Variants in TUT7 observed in about 807,000 individuals in gnomAD.
The protein encoded by TUT7 is terminal uridylyltransferase 7.
A neutral mutation model predicts 165.9 loss-of-function variants in TUT7; 33 were observed. The observed-to-expected ratio is 0.20, with a 90% CI of 0.15 to 0.27. The LOEUF is 0.27. Ranked by LOEUF, TUT7 falls within the 10% of genes least tolerant of loss-of-function variation. The probability of loss-of-function intolerance (pLI) is 1.00; values close to 1 mark genes in which losing one functional copy is unlikely to be tolerated. For synonymous variants in TUT7, 552 were observed against 608.1 expected, an observed-to-expected ratio of 0.91 and a Z score of 1.36; for missense variants, 1,338 against 1,762.3, an observed-to-expected ratio of 0.76 and a Z score of 4.31.
intron 10 of TUT7, among the ~76,000 whole-genome samples, chr9:86,330,331 A>G (rs7033846): frequency 0.3 from 45,926 of 152,104 alleles, 8,214 homozygotes; most frequent in East Asian, 0.49. Context: ...AAGTGCTGTG[A>G]TTACAGGCGT....
At chr9:86,340,700 T>G (rs1831250686) in intron 7 of TUT7, among the ~76,000 whole-genome samples, 1 of 152,252 alleles carries the variant, frequency 6.6e-6, no homozygotes, top group South Asian at 2.1e-4. Flanking sequence ...AGATTATCCT[T>G]CAGTTTTACC....
At chr9:86,305,126 G>T in intron 23 of TUT7, 66 bp downstream of exon 23, 1 of 1,427,940 alleles carries the variant, frequency 7.0e-7, no homozygotes, top group Non-Finnish European at 9.6e-7. Flanking sequence ...GCAAGACCCT[G>T]TCTCTATTAT....
In TUT7 at chr9:86,323,292, T is replaced by G. The variant is rs768097210; in HGVS notation, c.2458A>C (p.Thr820Pro). ...TTTAGAGAGTCTTCTAGTTCCTCAGTACCTTCTGTACTTTCTCCATCAAGA... is the reference window on the plus strand; with the variant it reads ...TTTAGAGAGTCTTCTAGTTCCTCAGGACCTTCTGTACTTTCTCCATCAAGA... ...ADLDGESTEG[T>P]EELEDSLNHF... Residue 820 changes from threonine to proline, a missense_variant, in exon 13 of 27, where the codon ACT becomes CCT. Physicochemically the swap from Thr to Pro is conservative, Grantham distance 38. Coordinates refer to ENST00000375963, the MANE Select transcript of TUT7 (RefSeq NM_024617.4). The G allele has an allele frequency of 5.0e-6, 8 of 1,614,072 alleles. No individual in the cohort carries two copies. Among genetic ancestry groups the G allele is most frequent in the African/African-American group, 1.3e-5 (1 of 74,942 alleles).
At chr9:86,308,930 G>C (rs1827772656) in intron 21 of TUT7, among the ~76,000 whole-genome samples, 1 of 152,022 alleles carries the variant, frequency 6.6e-6, no homozygotes, top group Non-Finnish European at 1.5e-5. Context: ...TAAACTCTGG[G>C]TACAAAAACC....
intron 10 of TUT7, among the ~76,000 whole-genome samples, chr9:86,332,351 T>C (rs1178040126): frequency 2.1e-5 from 3 of 143,552 alleles, no homozygotes; most frequent in Non-Finnish European, 4.6e-5. Flanking sequence ...TGGAATACTA[T>C]GCAGCCATAA....
At chr9:86,304,299 C>T (rs1477927519) in intron 24 of TUT7, among the ~76,000 whole-genome samples, 1 of 152,144 alleles carries the variant, frequency 6.6e-6, no homozygotes, top group East Asian at 1.9e-4. Flanking sequence ...TTAGCAAGAT[C>T]ATCTAGTCCC....
In TUT7 at chr9:86,338,805, T is replaced by C. The variant is rs1388720861; in HGVS notation, c.1335+18A>G. The C allele has an allele frequency of 1.3e-6, 2 of 1,585,932 alleles. No individual in the cohort carries two copies. Among genetic ancestry groups the C allele is most frequent in the Admixed American group, 1.8e-5 (1 of 55,000 alleles). On this transcript the variant is annotated intron_variant, in intron 9 of 26. Transcript: ENST00000375963. Reference sequence around the variant, plus strand: ...TACATATGTAGAATGTATTCATGCATAAAGACCTCAAGCCTACCTTTGCCC... The same window carrying C: ...TACATATGTAGAATGTATTCATGCACAAAGACCTCAAGCCTACCTTTGCCC...
At chr9:86,325,278 G>A in intron 12 of TUT7, 56 bp downstream of exon 12, 1 of 1,539,790 alleles carries the variant, frequency 6.5e-7, no homozygotes, top group Non-Finnish European at 8.9e-7. Flanking sequence ...CATGCTGTTA[G>A]ACTGGTACCT....
rs375541478 is a variant in TUT7 at position 86,323,907 on chromosome 9, A to G, written c.1843T>C (p.Phe615Leu). The change falls in exon 13 of 27, where the codon TTT (phenylalanine) becomes CTT (leucine). Residue 615 changes from phenylalanine (F) to leucine (L), a missense_variant. By Grantham distance (22) the Phe-to-Leu change is conservative. This residue lies in a region of TUT7 where 425 missense variants were observed against 474.9 expected (regional missense o/e 0.89). Coordinates refer to ENST00000375963, the MANE Select transcript of TUT7 (RefSeq NM_024617.4). ...CTTAAACAATGAAGTATATATTCAAACACAGGTTGACTATTTAGGGTTCTT... is the reference window on the plus strand; with the variant it reads ...CTTAAACAATGAAGTATATATTCAAGCACAGGTTGACTATTTAGGGTTCTT... ...VARTLNSQPV[F>L]EYILHCLRTT... 1.1e-5 allele frequency: 17 copies of G among 1,610,226 alleles called. No homozygotes were observed. Among genetic ancestry groups the G allele is most frequent in the Non-Finnish European group, 1.4e-5 (16 of 1,177,464 alleles).
rs59651352 is a variant in TUT7, at chr9:86,297,921, C to CTTTTTTTTTTTTTTTTTTTTTTTT, written c.4420+3354_4420+3355insAAAAAAAAAAAAAAAAAAAAAAAA. ...CTCACTCACCCTTCTGCCTGCTCCA[C>CTTTTTTTTTTTTTTTTTTTTTTTT]TTTTTTTTTTTTTTCAAATTTCTTC... On this transcript the variant is annotated intron_variant, in intron 26 of 26. Transcript: ENST00000375963. 3.5e-5 allele frequency among the ~76,000 whole-genome samples: 3 copies of CTTTTTTTTTTTTTTTTTTTTTTTT among 86,498 alleles called. 1 individual carries two copies. Among genetic ancestry groups the CTTTTTTTTTTTTTTTTTTTTTTTT allele is most frequent in the Non-Finnish European group, 6.1e-5 (3 of 49,438 alleles). The allele number at this position is 86,498 out of a possible 152,430, so 56.7% of individuals were successfully genotyped here. A position where few individuals can be genotyped will look rare whatever the true frequency, so the allele number is the denominator to read the frequency against.
chr9:86,342,779 G>T (rs1831426097), intron 6 of TUT7, among the ~76,000 whole-genome samples: 1 of 152,050 alleles, frequency 6.6e-6, no homozygotes, highest in Non-Finnish European at 1.5e-5. Flanking sequence ...TCTGCCACTG[G>T]AAAGTTGATT....
chr9:86,331,013 T>C (rs1039344350), intron 10 of TUT7, among the ~76,000 whole-genome samples: 7 of 152,118 alleles, frequency 4.6e-5, no homozygotes, highest in African/African-American at 1.7e-4. Context: ...CCTGAGTAGC[T>C]GGGACTAGGG....
chr9:86,310,669 T>C, intron 18 of TUT7, 37 bp downstream of exon 18: 1 of 1,186,894 alleles, frequency 8.4e-7, no homozygotes, highest in Non-Finnish European at 1.3e-6. Context: ...TTTGTTCCCT[T>C]AACCTCTCTA....
intron 8 of TUT7, 64 bp downstream of exon 8, chr9:86,339,972 A>G (rs1187680216): frequency 1.6e-6 from 2 of 1,214,816 alleles, no homozygotes; most frequent in Admixed American, 1.7e-5. Flanking sequence ...ATTAAGATGT[A>G]GTAAAGTACT....
In TUT7 at chr9:86,311,672, C is replaced by G. The variant is rs928557236; in HGVS notation, c.3275-863G>C. Among the ~76,000 whole-genome samples, 118 of 98,762 alleles carry G rather than the reference C, an allele frequency of 1.2e-3. No individual in the cohort carries two copies. Among genetic ancestry groups the G allele is most frequent in the African/African-American group, 5.6e-3 (111 of 19,662 alleles). 64.8% of individuals were successfully genotyped at this position (98,762 alleles called of 152,430 possible). A position where few individuals can be genotyped will look rare whatever the true frequency, so the allele number is the denominator to read the frequency against. The stretch of plus-strand genomic sequence containing the variant: ...TGCCGGTCTCCCTCTGATGCCGAGC[C>G]GAAGCTGGACTGTACCGCTGCCATC... On this transcript the variant is annotated intron_variant, in intron 17 of 26. Coordinates refer to ENST00000375963, the MANE Select transcript of TUT7 (RefSeq NM_024617.4). This position sits in a 1 kb window ranked among gnomAD's most constrained non-coding sequence, Gnocchi z 4.4.
intron 8 of TUT7, 77 bp downstream of exon 8, chr9:86,339,959 G>C: frequency 9.5e-7 from 1 of 1,054,364 alleles, no homozygotes; most frequent in Non-Finnish European, 1.5e-6. Context: ...CTAGAAATTG[G>C]ACATTAAGAT....
At chr9:86,339,048 TAATA>T (rs1831090920) in intron 8 of TUT7, 99 bp from the exon 9 acceptor site, 1 of 1,049,410 alleles carries the variant, frequency 9.5e-7, no homozygotes, top group Non-Finnish European at 1.2e-6. Context: ...TATACATGCA[TAATA>T]AATACTTCAA....
Position 86,323,179 on chromosome 9 carries a change from T to TTCC in TUT7, c.2568_2570dup (p.Glu859dup). On this transcript the variant is annotated inframe_insertion, in exon 13 of 27. Transcript: ENST00000375963. Reference sequence around the variant, plus strand: ...GGTTAATGGTGAGCCTAGGTTCTTCTTCCTCCTCCTCTTCTTCGTCGTCCT... The same window carrying TTCC: ...GGTTAATGGTGAGCCTAGGTTCTTCTTCCTCCTCCTCCTCTTCTTCGTCGTCCT... The TTCC allele has an allele frequency of 1.9e-6, 3 of 1,614,194 alleles. No individual in the cohort carries two copies. The highest frequency in any genetic ancestry group is 2.5e-6 in the Non-Finnish European group (3 of 1,180,030).
At chr9:86,329,348 AT>A (rs1401091287) in intron 10 of TUT7, among the ~76,000 whole-genome samples, 2 of 152,054 alleles carry the variant, frequency 1.3e-5, no homozygotes, top group East Asian at 3.9e-4. Context: ...ACATGGAGAA[AT>A]CCCGTCTCTA....
Sources: gnomAD v4.1 joint callset for allele counts (sites outside exome capture counted in the v4.1 genomes callset) on GRCh38, gnomAD v4.1.1 for gene constraint, gnomAD v4.1.1 regional missense constraint, Gnocchi (gnomAD v3.1) non-coding constraint, MANE v1.5 for transcripts, NCBI Gene and HGNC (gene_info 2026-07-23, HGNC 2026-07-21) for gene names.